LDAF1: variants seen among roughly 807,000 people sequenced by gnomAD.
LDAF1 encodes the protein lipid droplet assembly factor 1, also known as PROMETHIN.
LDAF1 carries 7 observed loss-of-function variants against 13.5 expected under a neutral mutation model. That is an observed-to-expected ratio of 0.52 (90% CI 0.29 to 0.97). The LOEUF (loss-of-function observed/expected upper bound fraction) is 0.97. Ranked by LOEUF, LDAF1 falls within the 50% of genes least tolerant of loss-of-function variation. LDAF1 has a pLI of 0.07. For missense variants in LDAF1, 148 were observed against 193.2 expected (o/e 0.77, Z 1.39); for synonymous variants, 69 against 77.1 (o/e 0.89, Z 0.55).
Position 21,169,995 on chromosome 16 carries a change from C to G in LDAF1, c.97-442C>G, listed in dbSNP as rs375794419. Among the ~76,000 whole-genome samples, 36 of 151,774 alleles carry G rather than the reference C, an allele frequency of 2.4e-4. 1 individual carries two copies. In the South Asian group the frequency reaches 3.8e-3, roughly 16 times the overall value. The stretch of plus-strand genomic sequence containing the variant: ...TGAGATGGAGTCTTGCTCTGTCTCC[C>G]AGGCTGGCGTGCAATGGTGTGACCT... On this transcript the variant is annotated intron_variant, in intron 2 of 4. Transcript: ENST00000233047.
rs113795618 is a variant in LDAF1 at position 21,169,734 on chromosome 16, T to C, written c.97-703T>C. 3.8e-3 allele frequency among the ~76,000 whole-genome samples: 586 copies of C among 152,284 alleles called. 5 individuals are homozygous for C. Among genetic ancestry groups the C allele is most frequent in the South Asian group, 0.018 (89 of 4,826 alleles). ...GCAGATGGTATGTACCTTACATCAA[T>C]GCACCTTTATGCCGAAGAGGTCTTC... On this transcript the variant is annotated intron_variant, in intron 2 of 4. Coordinates refer to ENST00000233047, the MANE Select transcript of LDAF1 (RefSeq NM_001301771.2).
chr16:21,165,049 G>A (rs1271371664), intron 2 of LDAF1, among the ~76,000 whole-genome samples: 1 of 152,224 alleles, frequency 6.6e-6, no homozygotes, highest in African/African-American at 2.4e-5. Context: ...GGGACAGACT[G>A]GCTGGAGCTC....
At chr16:21,163,093 G>T (rs140864279) in intron 2 of LDAF1, among the ~76,000 whole-genome samples, 2 of 152,312 alleles carry the variant, frequency 1.3e-5, no homozygotes, top group African/African-American at 2.4e-5. Flanking sequence ...TCACACACAT[G>T]TATTTTCTGC....
At chr16:21,168,534 AATAAT>A (rs976932201) in intron 2 of LDAF1, among the ~76,000 whole-genome samples, 8 of 145,842 alleles carry the variant, frequency 5.5e-5, no homozygotes, top group Admixed American at 2.1e-4. Flanking sequence ...ATAATATATA[AATAAT>A]ATAATACATA....
intron 2 of LDAF1, among the ~76,000 whole-genome samples, chr16:21,162,588 G>A (rs969823767): frequency 5.9e-5 from 9 of 152,022 alleles, no homozygotes; most frequent in Non-Finnish European, 1.0e-4. Flanking sequence ...ACTATTTTGT[G>A]GTGTATTTTT....
At chr16:21,177,116 G>T (rs1414135268) in intron 4 of LDAF1, 1 of 152,040 alleles carries the variant, frequency 6.6e-6, no homozygotes, top group Non-Finnish European at 1.5e-5. Flanking sequence ...TTTGTGAGTG[G>T]TATTATTTTA....
chr16:21,166,534 C>T (rs2093025707), intron 2 of LDAF1, among the ~76,000 whole-genome samples: 6 of 152,172 alleles, frequency 3.9e-5, no homozygotes, highest in African/African-American at 1.2e-4. Context: ...ATGGACAGCC[C>T]GGGGATAAGC....
At chr16:21,177,920 C>T (rs1047094801) in intron 4 of LDAF1, among the ~76,000 whole-genome samples, 1 of 151,992 alleles carries the variant, frequency 6.6e-6, no homozygotes, top group Non-Finnish European at 1.5e-5. Context: ...ACCCAGCCTG[C>T]ATTAGTGAAT....
At chr16:21,159,520 G>T (rs1406248254) in intron 1 of LDAF1, 4 of 1,302,510 alleles carry the variant, frequency 3.1e-6, no homozygotes, top group Non-Finnish European at 4.4e-6. Flanking sequence ...TCGGGGGTGG[G>T]AGGGCCAGGA....
intron 3 of LDAF1, among the ~76,000 whole-genome samples, chr16:21,172,373 G>A (rs1050983294): frequency 6.6e-6 from 1 of 152,106 alleles, no homozygotes; most frequent in African/African-American, 2.4e-5. Context: ...TTGAGCCTGG[G>A]AGGTGGAGGT....
chr16:21,173,889 G>A (rs1165784822), intron 3 of LDAF1, 121 bp from the exon 4 acceptor site: 9 of 1,102,394 alleles, frequency 8.2e-6, no homozygotes, highest in Non-Finnish European at 1.1e-5. Flanking sequence ...GTTTTTGTGG[G>A]AAATCTTCTT....
At chr16:21,176,858 C>T (rs2152850759) in intron 4 of LDAF1, among the ~76,000 whole-genome samples, 1 of 150,704 alleles carries the variant, frequency 6.6e-6, no homozygotes, top group Admixed American at 6.6e-5. Context: ...TATGATTGTA[C>T]CACTGCACTC....
chr16:21,165,880 G>C (rs1411031485), intron 2 of LDAF1, among the ~76,000 whole-genome samples: 1 of 152,120 alleles, frequency 6.6e-6, no homozygotes, highest in Non-Finnish European at 1.5e-5. Context: ...TTTATCTTGA[G>C]ATGGAGTCTC....
Position 21,169,147 on chromosome 16 carries a change from T to C in LDAF1, c.97-1290T>C, listed in dbSNP as rs1056530706. 9.2e-6 allele frequency: 9 copies of C among 982,076 alleles called. No individual in the cohort carries two copies. In the Admixed American group the frequency reaches 4.3e-4, roughly 47 times the overall value. The allele number at this position is 982,076 out of a possible 1,614,324, so 60.8% of individuals were successfully genotyped here. The stretch of plus-strand genomic sequence containing the variant: ...TAATGCTTAATAATAGACAAGTGAT[T>C]AGCTTTTAATGCTGAGATTTTGCAA... On this transcript the variant is annotated intron_variant, in intron 2 of 4. Transcript: ENST00000233047.
chr16:21,167,042 G>A, intron 2 of LDAF1: 1 of 831,702 alleles, frequency 1.2e-6, no homozygotes, highest in East Asian at 2.7e-5. Flanking sequence ...GGCCTGGCAG[G>A]GAGTGAAATT....
intron 3 of LDAF1, among the ~76,000 whole-genome samples, chr16:21,171,511 G>A (rs565606664): frequency 1.3e-4 from 20 of 152,292 alleles, no homozygotes; most frequent in Non-Finnish European, 2.1e-4. Context: ...ATGGGTGAAT[G>A]CATGAATGAA....
intron 2 of LDAF1, among the ~76,000 whole-genome samples, chr16:21,167,078 G>C (rs1307830439): frequency 1.3e-5 from 2 of 152,180 alleles, no homozygotes; most frequent in Admixed American, 6.5e-5. Flanking sequence ...GTAATCCTTA[G>C]GAGACCACGC....
At chr16:21,176,883 G>C (rs1261674590) in intron 4 of LDAF1, among the ~76,000 whole-genome samples, 1 of 147,876 alleles carries the variant, frequency 6.8e-6, no homozygotes, top group Non-Finnish European at 1.5e-5. Flanking sequence ...CTGGGTGACA[G>C]AGCTAGACTC....
intron 2 of LDAF1, among the ~76,000 whole-genome samples, chr16:21,168,849 AT>A (rs2093054984): frequency 7.6e-6 from 1 of 132,332 alleles, no homozygotes; most frequent in African/African-American, 2.9e-5. Context: ...AATTATAAAT[AT>A]TTTTATATTT....
Sources: allele counts gnomAD v4.1 joint callset (sites outside exome capture counted in the v4.1 genomes callset), GRCh38; gene constraint gnomAD v4.1.1; transcripts MANE v1.5; gene names NCBI Gene and HGNC (gene_info 2026-07-23, HGNC 2026-07-21).